Variants in SYNRG observed in about 807,000 individuals in gnomAD.
The protein encoded by SYNRG is synergin gamma, also known as AP1 gamma subunit binding protein 1.
A neutral mutation model predicts 130.9 loss-of-function variants in SYNRG; 37 were observed. The observed-to-expected ratio is 0.28, with a 90% CI of 0.22 to 0.37. The LOEUF is 0.37. SYNRG is among the 10% of genes least tolerant of loss of function. The probability of loss-of-function intolerance (pLI) is 1.00; values close to 1 mark genes in which losing one functional copy is unlikely to be tolerated. For missense variants in SYNRG, 1,338 were observed against 1,588.9 expected, an observed-to-expected ratio of 0.84 and a Z score of 2.68; for synonymous variants, 539 against 568.1, an observed-to-expected ratio of 0.95 and a Z score of 0.73.
At chr17:37,561,299 T>C (rs1299688971) in intron 12 of SYNRG, 42 bp from the exon 13 acceptor site, 1 of 1,596,948 alleles carries the variant, frequency 6.3e-7, no homozygotes, top group East Asian at 2.2e-5. Flanking sequence ...GTTAGGAATC[T>C]TGAAATCACA....
intron 11 of SYNRG, among the ~76,000 whole-genome samples, chr17:37,565,438 G>A (rs1250474619): frequency 3.3e-5 from 5 of 152,052 alleles, no homozygotes; most frequent in Non-Finnish European, 1.5e-5. Flanking sequence ...CCAAAGTGCC[G>A]AGATTGCAGC....
intron 16 of SYNRG, among the ~76,000 whole-genome samples, 155 bp from the exon 17 acceptor site, chr17:37,539,400 G>T (rs2057520576): frequency 6.6e-6 from 1 of 151,810 alleles, no homozygotes; most frequent in South Asian, 2.1e-4. Context: ...TTTTTGTTTT[G>T]AGATAGGGTC....
In SYNRG at chr17:37,584,745, A is replaced by G; in HGVS notation, c.492T>C (p.Ser164=). The G allele has an allele frequency of 6.2e-7, 1 of 1,612,442 alleles. No individual in the cohort carries two copies. The highest frequency in any genetic ancestry group is 8.5e-7 in the Non-Finnish European group (1 of 1,178,840). ...TTATGGCTTCCAAAGCATCATCTCTACTCTTCTCTCCTGTCTAAGAGACAA... is the reference window on the plus strand; with the variant it reads ...TTATGGCTTCCAAAGCATCATCTCTGCTCTTCTCTCCTGTCTAAGAGACAA... ...SSVKPKTGEK[S]RDDALEAIKG... Residue 164 remains serine, a synonymous_variant, in exon 6 of 22, where the codon AGT becomes AGC. Transcript: ENST00000612223.
chr17:37,587,225 C>T (rs1026397509), intron 3 of SYNRG, among the ~76,000 whole-genome samples: 4 of 152,202 alleles, frequency 2.6e-5, no homozygotes, highest in African/African-American at 7.2e-5. Context: ...CAACTCACTG[C>T]AGCCTCCAAC....
chr17:37,556,139 T>C (rs890501319), intron 13 of SYNRG, among the ~76,000 whole-genome samples: 3 of 152,078 alleles, frequency 2.0e-5, no homozygotes, highest in Admixed American at 6.6e-5. Context: ...GCATATAAAA[T>C]AATGCAGGCT....
chr17:37,556,960 G>A (rs1194918343), intron 13 of SYNRG, among the ~76,000 whole-genome samples: 1 of 152,146 alleles, frequency 6.6e-6, no homozygotes, highest in Non-Finnish European at 1.5e-5. Flanking sequence ...CTGATGAATT[G>A]TAAACTTTTC....
chr17:37,580,510 T>TGTGTGA (rs1384344164), intron 6 of SYNRG, among the ~76,000 whole-genome samples: 31 of 127,712 alleles, frequency 2.4e-4, no homozygotes, highest in Middle Eastern at 7.5e-3. Context: ...TGTGTGTGTG[T>TGTGTGA]GAGAGAGAGA....
At chr17:37,572,349 C>G (rs2060494745) in intron 8 of SYNRG, among the ~76,000 whole-genome samples, 1 of 151,978 alleles carries the variant, frequency 6.6e-6, no homozygotes, top group African/African-American at 2.4e-5. Context: ...ATCACTTGAA[C>G]CCCGAGACAA....
At chr17:37,589,679 G>A (rs1227938441) in intron 3 of SYNRG, among the ~76,000 whole-genome samples, 3 of 151,812 alleles carry the variant, frequency 2.0e-5, no homozygotes, top group Non-Finnish European at 2.9e-5. Context: ...AACCCGGGAG[G>A]CAGAGCATGC....
At chr17:37,591,505 ATAGT>A (rs992386992) in intron 3 of SYNRG, among the ~76,000 whole-genome samples, 5 of 152,250 alleles carry the variant, frequency 3.3e-5, no homozygotes, top group African/African-American at 1.2e-4. Context: ...AGGAACCAGA[ATAGT>A]TAAATTTTGA....
chr17:37,532,950 T>C (rs567592747), intron 19 of SYNRG, among the ~76,000 whole-genome samples: 21 of 152,308 alleles, frequency 1.4e-4, no homozygotes, highest in Non-Finnish European at 2.4e-4. Flanking sequence ...TACTTTGGAG[T>C]TATGCCATTT....
intron 19 of SYNRG, among the ~76,000 whole-genome samples, chr17:37,523,903 A>G (rs1013529667): frequency 6.6e-6 from 1 of 152,250 alleles, no homozygotes; most frequent in African/African-American, 2.4e-5. Context: ...GGAACACAGT[A>G]AAAGAGACAA....
At chr17:37,566,512 T>C (rs560352269) in intron 11 of SYNRG, among the ~76,000 whole-genome samples, 54 of 146,216 alleles carry the variant, frequency 3.7e-4, no homozygotes, top group Middle Eastern at 3.4e-3. Context: ...GGCCGCAGGG[T>C]CCTCTGCCTA....
At chr17:37,519,141 A>G in intron 21 of SYNRG, 70 bp from the exon 22 acceptor site, 1 of 1,576,758 alleles carries the variant, frequency 6.3e-7, no homozygotes, top group Non-Finnish European at 8.6e-7. Flanking sequence ...TCAGCAACCA[A>G]CATGTACATC....
At chr17:37,550,391 A>G (rs2058619402) in intron 14 of SYNRG, among the ~76,000 whole-genome samples, 3 of 152,376 alleles carry the variant, frequency 2.0e-5, no homozygotes, top group South Asian at 4.1e-4. Context: ...AAACAAAACA[A>G]AAGGGGAAAA....
Position 37,553,356 on chromosome 17 carries a change from C to A in SYNRG, c.2367G>T (p.Ser789=). ...FHSSKFSSIN[S]DKSLGEKAVA... ...CTGCTTTCTCTCCCAGGGATTTGTC[C>A]GAGTTTATGGAAGAAAATTTACTGG... The change falls in exon 14 of 22, where the codon TCG becomes TCT. Residue 789 remains serine, a synonymous_variant. Coordinates refer to ENST00000612223, the MANE Select transcript of SYNRG (RefSeq NM_007247.6). 1 of 1,614,182 alleles carries A rather than the reference C, an allele frequency of 6.2e-7. No homozygotes were observed. Among genetic ancestry groups the A allele is most frequent in the Non-Finnish European group, 8.5e-7 (1 of 1,180,030 alleles).
At chr17:37,567,786 G>C (rs1459755371) in intron 11 of SYNRG, 2 of 152,196 alleles carry the variant, frequency 1.3e-5, no homozygotes, top group South Asian at 2.1e-4. Flanking sequence ...GCATAAACAG[G>C]AACAGAGGAG....
chr17:37,519,437 G>A (rs753217348), intron 21 of SYNRG, among the ~76,000 whole-genome samples: 2 of 152,064 alleles, frequency 1.3e-5, no homozygotes, highest in Admixed American at 1.3e-4. Context: ...TCCTAAGGCC[G>A]GCATCTGACT....
At chr17:37,529,538 CAAAAAAAA>C (rs3049513) in intron 19 of SYNRG, among the ~76,000 whole-genome samples, 23 of 124,616 alleles carry the variant, frequency 1.8e-4, no homozygotes, top group East Asian at 1.6e-3. Flanking sequence ...ATATATTTTA[CAAAAAAAA>C]AAAAAAAAAG....
Sources: gnomAD v4.1 joint callset for allele counts (sites outside exome capture counted in the v4.1 genomes callset) on GRCh38, gnomAD v4.1.1 for gene constraint, MANE v1.5 for transcripts, NCBI Gene and HGNC (gene_info 2026-07-23, HGNC 2026-07-21) for gene names.